Variants in PDE3B observed in about 807,000 individuals in gnomAD.
PDE3B encodes phosphodiesterase 3B, also known as cGMP-inhibited 3',5'-cyclic phosphodiesterase 3B.
In PDE3B, 66 loss-of-function variants were observed where a neutral mutation model predicts 116.8. That is an observed-to-expected ratio of 0.56 (90% CI 0.46 to 0.69). PDE3B has a LOEUF of 0.69. PDE3B is among the 30% of genes least tolerant of loss of function. PDE3B has a pLI of 0.00. For missense variants in PDE3B, 1,384 were observed against 1,368.1 expected (o/e 1.01, Z -0.18); for synonymous variants, 595 against 533.6 (o/e 1.12, Z -1.59).
intron 1 of PDE3B, among the ~76,000 whole-genome samples, chr11:14,649,108 G>A (rs747535552): frequency 6.6e-6 from 1 of 152,132 alleles, no homozygotes; most frequent in African/African-American, 2.4e-5. Flanking sequence ...CTTAGTAGAA[G>A]GTAACCATAA....
chr11:14,661,137 A>C (rs966984749), intron 1 of PDE3B, among the ~76,000 whole-genome samples: 1 of 152,222 alleles, frequency 6.6e-6, no homozygotes, highest in African/African-American at 2.4e-5. Context: ...TAGAACTAGA[A>C]ATACCATTTG....
intron 5 of PDE3B, among the ~76,000 whole-genome samples, chr11:14,804,804 G>T (rs919111156): frequency 2.0e-5 from 3 of 151,816 alleles, no homozygotes; most frequent in Non-Finnish European, 4.4e-5. Context: ...AAAATGAATG[G>T]ATACTTCGAA....
chr11:14,818,928 A>G (rs1225817899), intron 6 of PDE3B, among the ~76,000 whole-genome samples: 1 of 152,102 alleles, frequency 6.6e-6, no homozygotes. Flanking sequence ...CTCAGATCCA[A>G]TGTTGACTTT....
At chr11:14,680,038 G>A (rs138210566) in intron 1 of PDE3B, among the ~76,000 whole-genome samples, 2 of 152,280 alleles carry the variant, frequency 1.3e-5, no homozygotes, top group East Asian at 1.9e-4. Flanking sequence ...CATAGTAGTA[G>A]GCCATTGCCT....
At chr11:14,807,170 T>C (rs1313947071) in intron 5 of PDE3B, among the ~76,000 whole-genome samples, 1 of 152,130 alleles carries the variant, frequency 6.6e-6, no homozygotes, top group Non-Finnish European at 1.5e-5. Flanking sequence ...GACGAGTTGA[T>C]GCATGCAGCA....
rs1858208796 is a variant in PDE3B at position 14,786,613 on chromosome 11, A to G, written c.1206A>G (p.Thr402=). Residue 402 remains threonine (T), a synonymous_variant, in exon 3 of 16, where the codon ACA becomes ACG. Coordinates refer to ENST00000282096, the MANE Select transcript of PDE3B (RefSeq NM_000922.4). The part of the protein sequence containing the change: ...GSCRPKINPL[T]PFPGFYPCSE... Reference sequence around the variant, plus strand: ...GTAGGCCAAAGATTAATCCTCTCACACCATTTCCTGGATTTTACCCCTGTT... The same window carrying G: ...GTAGGCCAAAGATTAATCCTCTCACGCCATTTCCTGGATTTTACCCCTGTT... The G allele has an allele frequency of 6.2e-7, 1 of 1,612,514 alleles. No individual in the cohort carries two copies. Among genetic ancestry groups the G allele is most frequent in the African/African-American group, 1.3e-5 (1 of 74,944 alleles).
intron 7 of PDE3B, among the ~76,000 whole-genome samples, chr11:14,829,884 C>T (rs899031839): frequency 1.3e-5 from 2 of 152,090 alleles, no homozygotes; most frequent in Admixed American, 6.6e-5. Context: ...ATTACCCACA[C>T]CTCAAAATTA....
At chr11:14,816,664 C>A (rs949064663) in intron 5 of PDE3B, among the ~76,000 whole-genome samples, 1 of 152,170 alleles carries the variant, frequency 6.6e-6, no homozygotes, top group African/African-American at 2.4e-5. Flanking sequence ...ATTGTGAAAA[C>A]CAGTATATTT....
intron 4 of PDE3B, among the ~76,000 whole-genome samples, chr11:14,796,221 C>T (rs1858547739): frequency 6.6e-6 from 1 of 152,204 alleles, no homozygotes. Context: ...TTTTTTATGG[C>T]TGCGTAGTAT....
In PDE3B at chr11:14,789,136, C is replaced by T; in HGVS notation, c.1309C>T (p.Gln437Ter). The T allele has an allele frequency of 6.2e-7, 1 of 1,610,832 alleles. No individual in the cohort carries two copies. Among genetic ancestry groups the T allele is most frequent in the Non-Finnish European group, 8.5e-7 (1 of 1,177,864 alleles). ...AAATAGGAATAGTTTGCCAACTCCA[C>T]AGCTGAGGAGAAGCTCAGGAACTTC... ...GLNRNSLPTPQLRRSSGTSGL... is the reference protein window; with the variant it reads ...GLNRNSLPTP Residue 437 changes from glutamine (Q) to a stop codon, truncating the protein, a stop_gained, in exon 4 of 16, where the codon CAG (glutamine) becomes TAG (stop). Transcript: ENST00000282096. LOFTEE classifies it high-confidence loss of function.
intron 4 of PDE3B, among the ~76,000 whole-genome samples, chr11:14,789,881 T>C (rs766902828): frequency 2.6e-5 from 4 of 152,040 alleles, no homozygotes; most frequent in Non-Finnish European, 5.9e-5. Context: ...GATTTAATAA[T>C]ACAGTACTTT....
chr11:14,862,525 T>A (rs972351242), intron 14 of PDE3B, among the ~76,000 whole-genome samples: 5 of 152,266 alleles, frequency 3.3e-5, no homozygotes, highest in Middle Eastern at 3.4e-3. Context: ...ATGGAGAGAA[T>A]AGACACTTAG....
rs1234699963 is a variant in PDE3B, at chr11:14,818,176, T to C, written c.1523-7T>C. The C allele has an allele frequency of 6.3e-7, 1 of 1,581,558 alleles. No homozygotes were observed. The highest frequency in any genetic ancestry group is 1.3e-5 in the African/African-American group (1 of 74,326). ...TTTATCTATCTCCTTTCTTTTAATT[T>C]TTAAAGGTGTTTTGTCCAGTCTGAG... On this transcript the variant is annotated splice_polypyrimidine_tract_variant and splice_region_variant and intron_variant, in intron 5 of 15. Coordinates refer to ENST00000282096, the MANE Select transcript of PDE3B (RefSeq NM_000922.4).
chr11:14,884,716 T>G, the PDE3B span, among the ~76,000 whole-genome samples: 2 of 151,656 alleles, frequency 1.3e-5, no homozygotes. Flanking sequence ...AAAAAAGAAA[T>G]AAAAAAACAC....
intron 1 of PDE3B, among the ~76,000 whole-genome samples, chr11:14,735,958 T>TGTGTGTGTG (rs1554987382): frequency 2.8e-5 from 4 of 142,926 alleles, no homozygotes; most frequent in African/African-American, 1.0e-4. Context: ...GAATAATAGG[T>TGTGTGTGTG]TGTGTGTGTG....
At chr11:14,665,117 G>T (rs1392048136) in intron 1 of PDE3B, among the ~76,000 whole-genome samples, 2 of 152,208 alleles carry the variant, frequency 1.3e-5, no homozygotes, top group South Asian at 2.1e-4. Context: ...TTCAATATCC[G>T]CAAATCAATA....
At chr11:14,674,177 T>C (rs1334368843) in intron 1 of PDE3B, 6 of 1,280,618 alleles carry the variant, frequency 4.7e-6, no homozygotes, top group Non-Finnish European at 6.8e-6. Flanking sequence ...GGAGTCTCAC[T>C]GGTACTGCCA....
intron 2 of PDE3B, among the ~76,000 whole-genome samples, chr11:14,782,533 G>A (rs565220562): frequency 1.3e-5 from 2 of 152,140 alleles, no homozygotes; most frequent in Admixed American, 6.5e-5. Context: ...TTAATAAATG[G>A]TATTGAGAAA....
intron 10 of PDE3B, among the ~76,000 whole-genome samples, chr11:14,834,300 T>C (rs1316290863): frequency 1.3e-5 from 2 of 152,204 alleles, no homozygotes; most frequent in East Asian, 1.9e-4. Flanking sequence ...TCAATCTTTT[T>C]TGGCAAAGTT....
Sources: gnomAD v4.1 joint callset for allele counts (sites outside exome capture counted in the v4.1 genomes callset) on GRCh38, gnomAD v4.1.1 for gene constraint, MANE v1.5 for transcripts, NCBI Gene and HGNC (gene_info 2026-07-23, HGNC 2026-07-21) for gene names.